MCF2L2: variants seen among roughly 807,000 people sequenced by gnomAD.
MCF2L2 encodes probable guanine nucleotide exchange factor MCF2L2.
MCF2L2 carries 102 observed loss-of-function variants against 150.2 expected under a neutral mutation model. The observed-to-expected ratio is 0.68, with a 90% confidence interval of 0.58 to 0.80. The LOEUF (loss-of-function observed/expected upper bound fraction) is 0.80, where lower values mean the gene tolerates loss of function less well. MCF2L2 is among the 30% of genes least tolerant of loss of function. MCF2L2 has a pLI of 0.00. For synonymous variants in MCF2L2, 465 were observed against 491.3 expected, an observed-to-expected ratio of 0.95 and a Z score of 0.71; for missense variants, 1,256 against 1,372.8, an observed-to-expected ratio of 0.91 and a Z score of 1.34.
At chr3:183,355,059 T>A (rs919406180) in intron 3 of MCF2L2, among the ~76,000 whole-genome samples, 7 of 150,306 alleles carry the variant, frequency 4.7e-5, no homozygotes, top group African/African-American at 1.7e-4. Context: ...TTTAATAATA[T>A]TATTTATTAT....
At chr3:183,426,207 T>C (rs1336975648) in intron 1 of MCF2L2, among the ~76,000 whole-genome samples, 1 of 152,080 alleles carries the variant, frequency 6.6e-6, no homozygotes, top group Non-Finnish European at 1.5e-5. Flanking sequence ...GAAAATACCA[T>C]AGCCTGGGCG....
intron 12 of MCF2L2, 120 bp downstream of exon 12, chr3:183,296,856 T>C (rs1728533147): frequency 1.8e-6 from 2 of 1,118,022 alleles, no homozygotes; most frequent in African/African-American, 1.6e-5. Flanking sequence ...TCGGAACCAG[T>C]GAGCCCACTC....
intron 3 of MCF2L2, among the ~76,000 whole-genome samples, chr3:183,355,532 C>T (rs557674408): frequency 6.6e-5 from 10 of 151,610 alleles, no homozygotes; most frequent in Admixed American, 5.3e-4. Flanking sequence ...CTGCAAGCTC[C>T]GCCTCCCGGG....
At chr3:183,423,940 A>T (rs1162524420) in intron 1 of MCF2L2, among the ~76,000 whole-genome samples, 1 of 152,142 alleles carries the variant, frequency 6.6e-6, no homozygotes, top group Non-Finnish European at 1.5e-5. Context: ...CATCTTGATG[A>T]CTATGGGTTT....
intron 25 of MCF2L2, among the ~76,000 whole-genome samples, chr3:183,204,098 A>T (rs995144607): frequency 6.6e-6 from 1 of 152,238 alleles, no homozygotes; most frequent in Non-Finnish European, 1.5e-5. Flanking sequence ...CCCCTAATTC[A>T]CATCATATAC....
chr3:183,356,625 T>C (rs1043911220), intron 3 of MCF2L2, among the ~76,000 whole-genome samples: 4 of 152,170 alleles, frequency 2.6e-5, no homozygotes, highest in Non-Finnish European at 4.4e-5. Flanking sequence ...GACCTCAATT[T>C]CCTCCCATTC....
At chr3:183,209,517 C>A (rs1288889050) in intron 22 of MCF2L2, among the ~76,000 whole-genome samples, 1 of 152,108 alleles carries the variant, frequency 6.6e-6, no homozygotes, top group Admixed American at 6.5e-5. Flanking sequence ...GAGACGGAGT[C>A]TTACTCTGTT....
chr3:183,341,591 G>A lies in MCF2L2; in HGVS notation c.315C>T (p.Asp105=). The part of the protein sequence containing the change: ...AASIGFIVVI[D]RRRDKWSSVK... ...CGGAGCTCCACTTGTCTCTTCGTCT[G>A]TCGATAACAACAATGAATCCAATGC... Residue 105 remains aspartate, a synonymous_variant, in exon 4 of 30, where the codon GAC becomes GAT. Transcript: ENST00000328913. 6.2e-7 allele frequency: 1 copy of A among 1,614,102 alleles called. No homozygotes were observed. The highest frequency in any genetic ancestry group is 8.5e-7 in the Non-Finnish European group (1 of 1,179,958).
intron 7 of MCF2L2, among the ~76,000 whole-genome samples, chr3:183,313,838 T>C (rs1247910183): frequency 2.6e-5 from 4 of 152,092 alleles, no homozygotes; most frequent in Non-Finnish European, 5.9e-5. Context: ...AACTGAGAGA[T>C]AGCTCATTGC....
chr3:183,361,470 T>C (rs1712199446), intron 3 of MCF2L2, among the ~76,000 whole-genome samples: 2 of 152,134 alleles, frequency 1.3e-5, no homozygotes, highest in African/African-American at 4.8e-5. Context: ...GTTAGTGAGT[T>C]CTCATGAGAT....
chr3:183,237,957 T>C (rs1723816935), intron 15 of MCF2L2, among the ~76,000 whole-genome samples: 1 of 132,028 alleles, frequency 7.6e-6, no homozygotes, highest in Non-Finnish European at 1.6e-5. Flanking sequence ...TTTCGTTATG[T>C]ACCCAGTAGT....
At chr3:183,274,752 T>C (rs1486154193) in intron 15 of MCF2L2, among the ~76,000 whole-genome samples, 2 of 152,238 alleles carry the variant, frequency 1.3e-5, no homozygotes, top group Non-Finnish European at 2.9e-5. Flanking sequence ...GTGATAATAA[T>C]GAGAGGAATA....
intron 15 of MCF2L2, among the ~76,000 whole-genome samples, chr3:183,238,995 CAAAAAAAAA>C (rs60736939): frequency 0.45 from 40,486 of 89,232 alleles, 6,236 homozygotes; most frequent in South Asian, 0.52. Flanking sequence ...ATATCCGTCT[CAAAAAAAAA>C]AAAAAAAAAA....
At chr3:183,272,763 G>GTAT in intron 15 of MCF2L2, 1 of 1,089,470 alleles carries the variant, frequency 9.2e-7, no homozygotes. Flanking sequence ...GATTAATGAT[G>GTAT]TATTGCCTTT....
At chr3:183,327,598 C>T (rs1251433270) in intron 5 of MCF2L2, among the ~76,000 whole-genome samples, 1 of 152,186 alleles carries the variant, frequency 6.6e-6, no homozygotes, top group Non-Finnish European at 1.5e-5. Context: ...AAACCTCTGT[C>T]TCCCTCTACC....
At chr3:183,285,215 G>A (rs1267030440) in intron 14 of MCF2L2, among the ~76,000 whole-genome samples, 1 of 152,126 alleles carries the variant, frequency 6.6e-6, no homozygotes, top group Admixed American at 6.5e-5. Flanking sequence ...ATCCTGCTAG[G>A]TGTCAGGTAC....
intron 11 of MCF2L2, chr3:183,297,460 A>C: frequency 3.2e-6 from 1 of 315,308 alleles, no homozygotes. Context: ...AGCTAAATAT[A>C]TATTTAATTA....
At chr3:183,357,218 T>C (rs11708041) in intron 3 of MCF2L2, among the ~76,000 whole-genome samples, 1 of 151,878 alleles carries the variant, frequency 6.6e-6, no homozygotes, top group Non-Finnish European at 1.5e-5. Context: ...ACAAATCCCA[T>C]GCCTTGAGAA....
intron 15 of MCF2L2, chr3:183,231,230 C>G (rs1254560603): frequency 6.1e-6 from 4 of 656,874 alleles, no homozygotes; most frequent in South Asian, 3.0e-5. Flanking sequence ...CAAGAAGAAA[C>G]AGCAAGGTTA....
Sources: gnomAD v4.1 joint callset for allele counts (sites outside exome capture counted in the v4.1 genomes callset) on GRCh38, gnomAD v4.1.1 for gene constraint, MANE v1.5 for transcripts, NCBI Gene and HGNC (gene_info 2026-07-23, HGNC 2026-07-21) for gene names.